DIDO1: variants seen among roughly 807,000 people sequenced by gnomAD.
The protein encoded by DIDO1 is death-inducer obliterator 1.
A neutral mutation model predicts 99.4 loss-of-function variants in DIDO1; 16 were observed. The ratio of observed to expected loss-of-function variants is 0.16; its 90% CI spans 0.11 to 0.24. The LOEUF (loss-of-function observed/expected upper bound fraction) is 0.24. Among genes scored for constraint, DIDO1 ranks in the 10% least tolerant of loss-of-function variants. The pLI is 1.00. For synonymous variants in DIDO1, 1,366 were observed against 1,239.1 expected, an observed-to-expected ratio of 1.10 and a Z score of -2.15; for missense variants, 2,996 against 3,014.0, an observed-to-expected ratio of 0.99 and a Z score of 0.14.
Position 62,896,137 on chromosome 20 carries a change from T to C in DIDO1, c.2214+96A>G. The C allele has an allele frequency of 7.7e-7, 1 of 1,294,358 alleles. No individual in the cohort carries two copies. 80.2% of individuals were successfully genotyped at this position (1,294,358 alleles called of 1,614,324 possible). A position where few individuals can be genotyped will look rare whatever the true frequency, so the allele number is the denominator to read the frequency against. On this transcript the variant is annotated intron_variant, in intron 8 of 15. Transcript: ENST00000395343. The surrounding 1 kb of genome is among the most constrained non-coding windows in gnomAD (Gnocchi z 4.4). ...GGAGAAAGAAACGTCTTAGCTTTCCTGGAAAGGACACGAACATCTCAAAAT... is the reference window on the plus strand; with the variant it reads ...GGAGAAAGAAACGTCTTAGCTTTCCCGGAAAGGACACGAACATCTCAAAAT...
chr20:62,904,011 T>A (rs776146787), intron 6 of DIDO1, among the ~76,000 whole-genome samples: 13 of 152,164 alleles, frequency 8.5e-5, no homozygotes, highest in Non-Finnish European at 1.5e-4. Flanking sequence ...CAATGCTCCC[T>A]CCCCACAATG....
intron 6 of DIDO1, among the ~76,000 whole-genome samples, chr20:62,902,634 C>T (rs1221418247): frequency 6.6e-6 from 1 of 152,154 alleles, no homozygotes; most frequent in Non-Finnish European, 1.5e-5. Flanking sequence ...TTCTGGAGCC[C>T]ACACCATGAG....
At position 62,880,840 on chromosome 20, in the gene DIDO1, G is replaced by C. The variant is rs74590491; in HGVS notation, c.5116C>G (p.Leu1706Val). Residue 1706 changes from leucine to valine, a missense_variant, in exon 16 of 16, where the codon CTT becomes GTT. Leu to Val is a conservative substitution (Grantham distance 32, BLOSUM62 1). This residue lies in a region of DIDO1 where 1,562 missense variants were observed against 1,412.6 expected (regional missense o/e 1.11). Coordinates refer to ENST00000395343, the MANE Select transcript of DIDO1 (RefSeq NM_001193369.2). ...CTGCTGCTCCTTCCAGCAGAATGAA[G>C]ATTTCTTGGGTCCTCATACTGGGCT... The part of the protein sequence containing the change: ...GSAQYEDPRN[L>V]HSAGRSSSPA... 2.0e-3 allele frequency: 3,264 copies of C among 1,612,792 alleles called. 60 individuals carry two copies. In the African/African-American group the frequency reaches 0.039, roughly 19 times the overall value.
rs1488031436 is a variant in DIDO1, at chr20:62,878,036, C to G, written c.*1197G>C. 6.6e-6 allele frequency: 1 copy of G among 152,184 alleles called. No homozygotes were observed. Among genetic ancestry groups the G allele is most frequent in the Non-Finnish European group, 1.5e-5 (1 of 68,038 alleles). The allele number at this position is 152,184 out of a possible 1,614,324, so 9.4% of individuals were successfully genotyped here. A position where few individuals can be genotyped will look rare whatever the true frequency, so the allele number is the denominator to read the frequency against. On this transcript the variant is annotated 3_prime_UTR_variant, in exon 16 of 16. Transcript: ENST00000395343. The stretch of plus-strand genomic sequence containing the variant: ...CAACACCAAACATCTCAAACTGATA[C>G]ATTCTCAATGTTTTCTTAACTTAAA...
At chr20:62,906,152 T>G (rs778405221) in intron 5 of DIDO1, 52 bp from the exon 6 acceptor site, 2 of 1,559,814 alleles carry the variant, frequency 1.3e-6, no homozygotes, top group Non-Finnish European at 1.7e-6. Flanking sequence ...AATCATACCT[T>G]CACTTCATTT....
At position 62,920,802 on chromosome 20, in the gene DIDO1, ATT is replaced by A. The variant is rs371804142; in HGVS notation, c.-200+5635_-200+5636del. ...AGAAGCTGTCAGTTAAGCCAAACAG[ATT>A]TGTGAAAACAAAACCATCTTTCTCA... On this transcript the variant is annotated intron_variant, in intron 1 of 15. Transcript: ENST00000395343. Among the ~76,000 whole-genome samples, 13 of 152,356 alleles carry A rather than the reference ATT, an allele frequency of 8.5e-5. No individual in the cohort carries two copies. In the East Asian group the frequency reaches 2.1e-3, roughly 25 times the overall value.
At chr20:62,905,270 AAGC>A in intron 6 of DIDO1, 4 of 1,365,114 alleles carry the variant, frequency 2.9e-6, no homozygotes, top group Middle Eastern at 2.8e-4. Flanking sequence ...GGGGCCTATG[AAGC>A]AGGAGTGTGT....
Position 62,891,027 on chromosome 20 carries a change from G to A in DIDO1, c.3474C>T (p.Asp1158=). 6.2e-7 allele frequency: 1 copy of A among 1,614,206 alleles called. No homozygotes were observed. Among genetic ancestry groups the A allele is most frequent in the Admixed American group, 1.7e-5 (1 of 60,030 alleles). ...GGGCGCTCAGCGGGATCAGGTAGAG[G>A]TCCTTGACGTGCCTGTTGTTATTAG... ...VVANNNRHVK[D]LYLIPLSAQD... Residue 1158 remains aspartate (D), a synonymous_variant, in exon 15 of 16, where the codon GAC becomes GAT. Coordinates refer to ENST00000395343, the MANE Select transcript of DIDO1 (RefSeq NM_001193369.2).
At chr20:62,891,220 A>G in intron 14 of DIDO1, 65 bp from the exon 15 acceptor site, 1 of 1,603,038 alleles carries the variant, frequency 6.2e-7, no homozygotes, top group Non-Finnish European at 8.5e-7. Context: ...CGCCCAATTC[A>G]CATCCTGCTT....
intron 1 of DIDO1, among the ~76,000 whole-genome samples, chr20:62,919,929 G>C (rs776299024): frequency 6.6e-5 from 10 of 152,244 alleles, no homozygotes. Flanking sequence ...TGAAGGAGAA[G>C]TGAGGTTTAT....
chr20:62,924,757 G>A (rs1427875721), intron 1 of DIDO1, among the ~76,000 whole-genome samples: 1 of 152,184 alleles, frequency 6.6e-6, no homozygotes, highest in African/African-American at 2.4e-5. Context: ...CCATGGGTAC[G>A]GCTGGGCAGT....
chr20:62,930,951 G>C (rs1025878947), upstream of DIDO1, among the ~76,000 whole-genome samples: 1 of 152,186 alleles, frequency 6.6e-6, no homozygotes, highest in Non-Finnish European at 1.5e-5. Context: ...TTGTGTTGTT[G>C]TTTTCCTTGA....
intron 1 of DIDO1, among the ~76,000 whole-genome samples, chr20:62,922,090 TATATACACACTATATATATAC>T (rs2065156179): frequency 1.1e-5 from 1 of 87,390 alleles, no homozygotes; most frequent in African/African-American, 4.4e-5. Flanking sequence ...ATACACACTA[TATATACACACTATATATATAC>T]ACACACACAC....
chr20:62,880,067 C>T lies in DIDO1; in HGVS notation c.5889G>A (p.Gln1963=). ...CCCTCTGGTCTTCGAACTGCTGAGG[C>T]TGAATGCCCCTGGGACCTGGCATAA... The part of the protein sequence containing the change: ...PNFMPGPRGI[Q]PQQFEDQRVH... Residue 1963 remains glutamine, a synonymous_variant, in exon 16 of 16, where the codon CAG becomes CAA. Coordinates refer to ENST00000395343, the MANE Select transcript of DIDO1 (RefSeq NM_001193369.2). The T allele has an allele frequency of 6.2e-7, 1 of 1,611,786 alleles. No homozygotes were observed. Among genetic ancestry groups the T allele is most frequent in the Non-Finnish European group, 8.5e-7 (1 of 1,179,998 alleles).
chr20:62,896,923 G>T lies in DIDO1; in HGVS notation c.1662C>A (p.Gly554=), dbSNP rs1268761176. ...GTGCAGGCTGCTTGCCCACCGCGGA[G>T]CCTGGAGGGGCTGTTTTCTTTGAGG... is the stretch of plus-strand genomic sequence containing the variant. ...MAASKKTAPP[G]SAVGKQPAPR... Residue 554 remains glycine (G), a synonymous_variant, in exon 7 of 16, where the codon GGC becomes GGA. Coordinates refer to ENST00000395343, the MANE Select transcript of DIDO1 (RefSeq NM_001193369.2). The surrounding 1 kb of genome is among the most constrained non-coding windows in gnomAD (Gnocchi z 4.4). The T allele has an allele frequency of 4.3e-6, 7 of 1,613,966 alleles. No homozygotes were observed. The highest frequency in any genetic ancestry group is 1.3e-5 in the African/African-American group (1 of 74,928).
chr20:62,904,885 TCA>T, intron 6 of DIDO1: 1 of 724,660 alleles, frequency 1.4e-6, no homozygotes, highest in Non-Finnish European at 1.7e-6. Context: ...GGGAATCTGC[TCA>T]AAGTCTGACG....
In DIDO1 at chr20:62,911,499, C is replaced by T. The variant is rs767366345; in HGVS notation, c.114G>A (p.Glu38=). The change falls in exon 3 of 16, where the codon GAG becomes GAA. Residue 38 remains glutamate, a synonymous_variant. Coordinates refer to ENST00000395343, the MANE Select transcript of DIDO1 (RefSeq NM_001193369.2). The surrounding 1 kb of genome is among the most constrained non-coding windows in gnomAD (Gnocchi z 7.0). The stretch of plus-strand genomic sequence containing the variant: ...GGTCAGCCTCCGCGTCCCCTGCGCC[C>T]TCTCGCTTGGCGATAGTGGTCCTTC... ...GFRRTTIAKR[E]GAGDAEADPL... The T allele has an allele frequency of 5.0e-6, 8 of 1,612,858 alleles. No individual in the cohort carries two copies. In the South Asian group the frequency reaches 8.8e-5, roughly 18 times the overall value.
At chr20:62,932,360 C>G (rs2065340209) in intron 1 of DIDO1, among the ~76,000 whole-genome samples, 2 of 152,200 alleles carry the variant, frequency 1.3e-5, no homozygotes. Context: ...GTGATCACAA[C>G]AGCTGCATGC....
At chr20:62,906,644 C>T (rs1349480929) in intron 5 of DIDO1, among the ~76,000 whole-genome samples, 3 of 152,182 alleles carry the variant, frequency 2.0e-5, no homozygotes, top group East Asian at 1.9e-4. Flanking sequence ...ACACAGCCAC[C>T]GCCGCCTGAG....
Sources: gnomAD v4.1 joint callset for allele counts (sites outside exome capture counted in the v4.1 genomes callset) on GRCh38, gnomAD v4.1.1 for gene constraint, gnomAD v4.1.1 regional missense constraint, Gnocchi (gnomAD v3.1) non-coding constraint, MANE v1.5 for transcripts, NCBI Gene and HGNC (gene_info 2026-07-23, HGNC 2026-07-21) for gene names.